PDE8A: variants seen among roughly 807,000 people sequenced by gnomAD.
PDE8A encodes the protein phosphodiesterase 8A, also known as high affinity cAMP-specific and IBMX-insensitive 3',5'-cyclic phosphodiesterase 8A.
A neutral mutation model predicts 105.0 loss-of-function variants in PDE8A; 59 were observed. The ratio of observed to expected loss-of-function variants is 0.56; its 90% CI spans 0.46 to 0.70. The LOEUF is 0.70. Among genes scored for constraint, PDE8A ranks in the 30% least tolerant of loss-of-function variants. The pLI is 0.00. For synonymous variants in PDE8A, 355 were observed against 371.9 expected (o/e 0.95, Z 0.52); for missense variants, 1,014 against 1,045.9 (o/e 0.97, Z 0.42).
intron 1 of PDE8A, among the ~76,000 whole-genome samples, chr15:85,049,553 A>G (rs1414987436): frequency 1.3e-5 from 2 of 152,190 alleles, no homozygotes; most frequent in Non-Finnish European, 2.9e-5. Flanking sequence ...ATAATATTCC[A>G]TTTTATGCAT....
At chr15:84,991,396 T>C (rs997166797) in intron 1 of PDE8A, among the ~76,000 whole-genome samples, 38 of 152,234 alleles carry the variant, frequency 2.5e-4, no homozygotes, top group Admixed American at 2.1e-3. Flanking sequence ...TTCAACCTCA[T>C]TGGGGAAATG....
rs1034909333 is a variant in PDE8A at position 85,136,573 on chromosome 15, C to A, written c.2293C>A (p.Pro765Thr). The A allele has an allele frequency of 6.2e-7, 1 of 1,613,564 alleles. No homozygotes were observed. Among genetic ancestry groups the A allele is most frequent in the South Asian group, 1.1e-5 (1 of 91,056 alleles). ...EKQQGLPVVM[P>T]VFDRNTCSIP... Reference sequence around the variant, plus strand: ...GCAGCAGGGCTTACCTGTGGTGATGCCAGTGTTTGACAGAAATACCTGCAG... The same window carrying A: ...GCAGCAGGGCTTACCTGTGGTGATGACAGTGTTTGACAGAAATACCTGCAG... Residue 765 changes from proline (P) to threonine (T), a missense_variant, in exon 21 of 22, where the codon CCA becomes ACA. Coordinates refer to ENST00000394553, the MANE Select transcript of PDE8A (RefSeq NM_002605.3).
chr15:85,024,345 G>T (rs1277705075), intron 1 of PDE8A, among the ~76,000 whole-genome samples: 1 of 152,170 alleles, frequency 6.6e-6, no homozygotes, highest in East Asian at 1.9e-4. Context: ...ATATGAAATT[G>T]CCATTTAAGA....
At chr15:85,092,835 G>A (rs1379892897) in intron 8 of PDE8A, among the ~76,000 whole-genome samples, 2 of 152,168 alleles carry the variant, frequency 1.3e-5, no homozygotes, top group African/African-American at 2.4e-5. Context: ...AACTTGAATA[G>A]CAAGAGACCT....
At chr15:85,066,650 C>A (rs901887615) in intron 2 of PDE8A, among the ~76,000 whole-genome samples, 3 of 138,004 alleles carry the variant, frequency 2.2e-5, no homozygotes, top group Non-Finnish European at 4.7e-5. Flanking sequence ...ACAGAAATGA[C>A]GATTCTGACC....
intron 1 of PDE8A, among the ~76,000 whole-genome samples, chr15:85,024,275 A>T (rs2080476539): frequency 6.6e-6 from 1 of 152,220 alleles, no homozygotes; most frequent in Non-Finnish European, 1.5e-5. Context: ...TTCCTTGATG[A>T]AAGCAGGGAC....
At chr15:85,013,912 T>A (rs539174179) in intron 1 of PDE8A, among the ~76,000 whole-genome samples, 1 of 152,298 alleles carries the variant, frequency 6.6e-6, no homozygotes, top group Non-Finnish European at 1.5e-5. Flanking sequence ...CCTCTCCATG[T>A]GTGTCAGCTT....
At chr15:85,044,320 G>A (rs2080855436) in intron 1 of PDE8A, among the ~76,000 whole-genome samples, 1 of 152,066 alleles carries the variant, frequency 6.6e-6, no homozygotes. Context: ...AATATTTACT[G>A]TTTAAATCGA....
At position 85,075,733 on chromosome 15, in the gene PDE8A, A is replaced by G. The variant is rs147654557; in HGVS notation, c.435-129A>G. On this transcript the variant is annotated intron_variant, in intron 3 of 21. Transcript: ENST00000394553. Reference sequence around the variant, plus strand: ...AGTAGTCAAGAAGGTGAGTGAATTCAGAGAGTGAGGGGATCATTTACTCTC... The same window carrying G: ...AGTAGTCAAGAAGGTGAGTGAATTCGGAGAGTGAGGGGATCATTTACTCTC... 1.0e-3 allele frequency: 565 copies of G among 557,834 alleles called. 7 individuals are homozygous for G. In the East Asian group the frequency reaches 0.015, roughly 15 times the overall value. The allele number at this position is 557,834 out of a possible 1,614,324, so 34.6% of individuals were successfully genotyped here.
chr15:85,046,434 A>T (rs79980871), intron 1 of PDE8A, among the ~76,000 whole-genome samples: 1,918 of 152,328 alleles, frequency 0.013, 26 homozygotes, highest in Middle Eastern at 0.037. Context: ...ATATTTATGT[A>T]ATAAGCTGGT....
rs773203293 is a variant in PDE8A at position 85,071,773 on chromosome 15, C to T, written c.435-4089C>T. On this transcript the variant is annotated intron_variant, in intron 3 of 21. Coordinates refer to ENST00000394553, the MANE Select transcript of PDE8A (RefSeq NM_002605.3). ...GGCAAACTCTTAGCCTGCATAGATGCGAATTGCATTCAGGGGTGTGTAAAC... is the reference window on the plus strand; with the variant it reads ...GGCAAACTCTTAGCCTGCATAGATGTGAATTGCATTCAGGGGTGTGTAAAC... Among the ~76,000 whole-genome samples, 3 of 152,184 alleles carry T rather than the reference C, an allele frequency of 2.0e-5. 1 individual carries two copies. The South Asian group carries it at 6.2e-4, about 32-fold the overall frequency.
chr15:85,001,470 G>A (rs2080066777), intron 1 of PDE8A, among the ~76,000 whole-genome samples: 1 of 152,202 alleles, frequency 6.6e-6, no homozygotes, highest in South Asian at 2.1e-4. Flanking sequence ...GTGGTCTGCT[G>A]TAGGACAGTT....
intron 1 of PDE8A, among the ~76,000 whole-genome samples, chr15:84,983,031 T>C (rs970423500): frequency 3.9e-5 from 6 of 152,256 alleles, no homozygotes; most frequent in Admixed American, 2.0e-4. Flanking sequence ...TGGGACATTT[T>C]GTGACTGGGG....
intron 1 of PDE8A, among the ~76,000 whole-genome samples, chr15:84,987,574 C>A (rs1029206455): frequency 6.7e-6 from 1 of 149,650 alleles, no homozygotes; most frequent in African/African-American, 2.5e-5. Flanking sequence ...CGGGTCGAAG[C>A]AATTCGCATG....
intron 1 of PDE8A, among the ~76,000 whole-genome samples, chr15:85,010,283 T>C (rs2080218469): frequency 6.6e-6 from 1 of 152,220 alleles, no homozygotes; most frequent in South Asian, 2.1e-4. Context: ...AAAATGTCCA[T>C]CAAAAAAACT....
chr15:84,989,328 G>A (rs1188449350), intron 1 of PDE8A, among the ~76,000 whole-genome samples: 1 of 152,222 alleles, frequency 6.6e-6, no homozygotes, highest in African/African-American at 2.4e-5. Context: ...ATTCTGTATT[G>A]GTTGGAAATA....
chr15:85,033,161 A>C (rs1421382828), intron 1 of PDE8A, among the ~76,000 whole-genome samples: 2 of 152,208 alleles, frequency 1.3e-5, no homozygotes, highest in African/African-American at 2.4e-5. Context: ...GACTGAAGGC[A>C]CTTGGGACTA....
chr15:85,025,990 A>T (rs2080509856), intron 1 of PDE8A, among the ~76,000 whole-genome samples: 1 of 152,188 alleles, frequency 6.6e-6, no homozygotes, highest in Admixed American at 6.5e-5. Flanking sequence ...AACTTGTATG[A>T]ATATGCACAG....
chr15:85,055,493 C>A (rs1215869294), intron 1 of PDE8A, among the ~76,000 whole-genome samples: 3 of 152,166 alleles, frequency 2.0e-5, no homozygotes, highest in Non-Finnish European at 4.4e-5. Flanking sequence ...TCTGGGTGCT[C>A]CTGTATTGGG....
Sources: allele counts gnomAD v4.1 joint callset (sites outside exome capture counted in the v4.1 genomes callset), GRCh38; gene constraint gnomAD v4.1.1; transcripts MANE v1.5; gene names NCBI Gene and HGNC (gene_info 2026-07-23, HGNC 2026-07-21).